The following INPP5A variants were observed in gnomAD, a reference collection of about 807,000 sequenced individuals.
The protein encoded by INPP5A is inositol polyphosphate-5-phosphatase A, also known as 43 kDa inositol polyphosphate 5-phophatase.
In INPP5A, 14 loss-of-function variants were observed where a neutral mutation model predicts 65.2. The observed-to-expected ratio is 0.21, with a 90% confidence interval of 0.14 to 0.34. The LOEUF is 0.34. Ranked by LOEUF, INPP5A falls within the 10% of genes least tolerant of loss-of-function variation. The probability of loss-of-function intolerance (pLI) is 1.00; values close to 1 mark genes in which losing one functional copy is unlikely to be tolerated. For synonymous variants in INPP5A, 207 were observed against 208.3 expected (o/e 0.99, Z 0.05); for missense variants, 431 against 545.6 (o/e 0.79, Z 2.09).
intron 9 of INPP5A, among the ~76,000 whole-genome samples, chr10:132,729,788 C>CT (rs918192538): frequency 1.3e-5 from 2 of 152,232 alleles, no homozygotes; most frequent in African/African-American, 4.8e-5. Context: ...TCATGCTTAA[C>CT]TTTAAACATC....
At chr10:132,554,304 A>T (rs2071095425) in intron 1 of INPP5A, among the ~76,000 whole-genome samples, 1 of 152,260 alleles carries the variant, frequency 6.6e-6, no homozygotes, top group Non-Finnish European at 1.5e-5. Context: ...TCTGAGCTCC[A>T]GCAGGAGATG....
intron 4 of INPP5A, among the ~76,000 whole-genome samples, chr10:132,662,368 G>C (rs1176455559): frequency 1.3e-5 from 2 of 152,140 alleles, no homozygotes; most frequent in Non-Finnish European, 2.9e-5. Flanking sequence ...ATTCAGAATA[G>C]CCAAAACCTG....
intron 4 of INPP5A, among the ~76,000 whole-genome samples, chr10:132,665,887 T>C (rs1158361737): frequency 6.6e-6 from 1 of 152,020 alleles, no homozygotes; most frequent in African/African-American, 2.4e-5. Flanking sequence ...AAACCCCATC[T>C]CTACTGAAAA....
chr10:132,577,900 C>G (rs947344934), intron 1 of INPP5A, among the ~76,000 whole-genome samples: 1 of 152,208 alleles, frequency 6.6e-6, no homozygotes, highest in Non-Finnish European at 1.5e-5. Flanking sequence ...TGTGGGCTCC[C>G]TGTCCTCGAG....
chr10:132,655,102 GC>G (rs2072636318), intron 4 of INPP5A, among the ~76,000 whole-genome samples: 1 of 152,258 alleles, frequency 6.6e-6, no homozygotes, highest in Non-Finnish European at 1.5e-5. Context: ...CCCAGGAGGT[GC>G]CCAGGCTGAG....
intron 6 of INPP5A, among the ~76,000 whole-genome samples, chr10:132,708,049 C>T (rs2148667): frequency 0.073 from 11,092 of 152,228 alleles, 462 homozygotes; most frequent in African/African-American, 0.1. Flanking sequence ...GGCTCACAGG[C>T]GGCAGGCTGG....
At chr10:132,614,482 T>C in intron 2 of INPP5A, among the ~76,000 whole-genome samples, 1 of 152,042 alleles carries the variant, frequency 6.6e-6, no homozygotes, top group East Asian at 1.9e-4. Context: ...AATAAATAGA[T>C]AAACAAAGCT....
chr10:132,703,238 G>C (rs1845465871), intron 6 of INPP5A, among the ~76,000 whole-genome samples: 1 of 152,124 alleles, frequency 6.6e-6, no homozygotes, highest in Admixed American at 6.5e-5. Context: ...CAGCTGGCGA[G>C]GACATGGATC....
chr10:132,601,288 A>AT (rs2071774245), intron 1 of INPP5A, among the ~76,000 whole-genome samples: 1 of 152,184 alleles, frequency 6.6e-6, no homozygotes, highest in South Asian at 2.1e-4. Context: ...CACGTTGACC[A>AT]TTTCATATGT....
At chr10:132,764,415 C>T (rs1029678800) in intron 11 of INPP5A, among the ~76,000 whole-genome samples, 13 of 150,664 alleles carry the variant, frequency 8.6e-5, no homozygotes, top group South Asian at 4.2e-4. Flanking sequence ...CTCAGGAACA[C>T]GGTCGGGTCA....
At chr10:132,669,636 T>TTA (rs2072856705) in intron 4 of INPP5A, among the ~76,000 whole-genome samples, 1 of 152,202 alleles carries the variant, frequency 6.6e-6, no homozygotes, top group Non-Finnish European at 1.5e-5. Flanking sequence ...TCATGTGTCC[T>TTA]TAGTCTGACA....
At chr10:132,724,238 G>T (rs1845945078) in intron 8 of INPP5A, among the ~76,000 whole-genome samples, 1 of 152,236 alleles carries the variant, frequency 6.6e-6, no homozygotes, top group Non-Finnish European at 1.5e-5. Flanking sequence ...GTTGTGTTGA[G>T]ATACAGACTT....
At chr10:132,746,469 G>A (rs980670978) in intron 9 of INPP5A, among the ~76,000 whole-genome samples, 3 of 152,172 alleles carry the variant, frequency 2.0e-5, no homozygotes, top group African/African-American at 4.8e-5. Flanking sequence ...GTGCACATCC[G>A]AATGACTGCG....
At chr10:132,553,077 C>G (rs1291900128) in intron 1 of INPP5A, among the ~76,000 whole-genome samples, 1 of 82,196 alleles carries the variant, frequency 1.2e-5, no homozygotes, top group South Asian at 4.8e-4. Context: ...TTGAGTAGGA[C>G]AGGGAGGGAG....
chr10:132,756,456 TCAA>T (rs71013550), intron 11 of INPP5A, among the ~76,000 whole-genome samples: 24,750 of 152,178 alleles, frequency 0.16, 2,422 homozygotes, highest in Non-Finnish European at 0.22. Context: ...GTCGTTTCAG[TCAA>T]CAACAGACTA....
intron 3 of INPP5A, among the ~76,000 whole-genome samples, chr10:132,648,274 C>T (rs927618367): frequency 1.3e-5 from 2 of 152,270 alleles, no homozygotes; most frequent in African/African-American, 2.4e-5. Flanking sequence ...ACGATGCCGC[C>T]GTGTTTGGTG....
intron 8 of INPP5A, among the ~76,000 whole-genome samples, chr10:132,712,371 A>G (rs765039237): frequency 2.0e-5 from 3 of 151,402 alleles, no homozygotes; most frequent in Non-Finnish European, 4.4e-5. Flanking sequence ...TCGTGTGTGC[A>G]TGTGTGTGGA....
intron 11 of INPP5A, among the ~76,000 whole-genome samples, chr10:132,752,349 C>T (rs1198246662): frequency 1.3e-5 from 2 of 151,348 alleles, no homozygotes; most frequent in African/African-American, 2.4e-5. Context: ...AAGAGGGAGG[C>T]TCCCTCAGCC....
chr10:132,588,144 C>T (rs1352416352), intron 1 of INPP5A, among the ~76,000 whole-genome samples: 2 of 151,984 alleles, frequency 1.3e-5, no homozygotes, highest in Non-Finnish European at 2.9e-5. Context: ...AGAAATTTGC[C>T]ATCATGTGTA....
Sources: allele counts gnomAD v4.1 joint callset (sites outside exome capture counted in the v4.1 genomes callset), GRCh38; gene constraint gnomAD v4.1.1; transcripts MANE v1.5; gene names NCBI Gene and HGNC (gene_info 2026-07-23, HGNC 2026-07-21).